Variants in SYNPR observed in about 807,000 individuals in gnomAD.
SYNPR encodes the protein synaptoporin.
Under a neutral mutation model 32.9 loss-of-function variants are expected in SYNPR, and 23 were observed. That is an observed-to-expected ratio of 0.70 (90% confidence interval 0.50 to 0.99). The LOEUF is 0.99. Among genes scored for constraint, SYNPR ranks in the 50% least tolerant of loss-of-function variants. The pLI is 0.00. For synonymous variants in SYNPR, 146 were observed against 135.9 expected (o/e 1.07, Z -0.52); for missense variants, 318 against 349.3 (o/e 0.91, Z 0.71).
At chr3:63,433,101 G>A (rs745316203) in intron 2 of SYNPR, among the ~76,000 whole-genome samples, 6 of 152,304 alleles carry the variant, frequency 3.9e-5, no homozygotes, top group African/African-American at 1.2e-4. Flanking sequence ...AGAGTATTGC[G>A]TGTTATAACA....
At chr3:63,218,045 T>C in the SYNPR span, among the ~76,000 whole-genome samples, 1 of 152,084 alleles carries the variant, frequency 6.6e-6, no homozygotes, top group South Asian at 2.1e-4. Flanking sequence ...GTTTTAAAAT[T>C]CTCAAGGGCA....
intron 4 of SYNPR, among the ~76,000 whole-genome samples, chr3:63,603,022 A>AC (rs1700067133): frequency 6.6e-6 from 1 of 152,084 alleles, no homozygotes; most frequent in African/African-American, 2.4e-5. Flanking sequence ...GATTTATTTC[A>AC]GCAGTGTTTT....
At chr3:63,381,281 C>G (rs1243450870) in intron 2 of SYNPR, among the ~76,000 whole-genome samples, 1 of 152,182 alleles carries the variant, frequency 6.6e-6, no homozygotes, top group East Asian at 1.9e-4. Context: ...AGAGCCAAAT[C>G]ATGAGTGAAC....
chr3:63,328,963 T>C (rs1439668406), intron 2 of SYNPR, among the ~76,000 whole-genome samples: 10 of 152,176 alleles, frequency 6.6e-5, no homozygotes, highest in African/African-American at 1.9e-4. Flanking sequence ...ATTTGAATTA[T>C]TTGAATACAA....
chr3:63,257,174 T>G (rs1173223977), intron 2 of SYNPR, among the ~76,000 whole-genome samples: 1 of 152,136 alleles, frequency 6.6e-6, no homozygotes, highest in African/African-American at 2.4e-5. Flanking sequence ...ACTTCCCCAG[T>G]CTAGCAAGGC....
chr3:63,440,807 C>T (rs1022992024), intron 2 of SYNPR, among the ~76,000 whole-genome samples: 2 of 152,102 alleles, frequency 1.3e-5, no homozygotes, highest in African/African-American at 2.4e-5. Context: ...CAAGACTGAG[C>T]CTCATACCTC....
At chr3:63,474,950 G>C (rs956012711) in intron 2 of SYNPR, among the ~76,000 whole-genome samples, 1 of 152,116 alleles carries the variant, frequency 6.6e-6, no homozygotes, top group Admixed American at 6.5e-5. Context: ...ATTTAACTAT[G>C]ACTTGCAAAT....
intron 2 of SYNPR, among the ~76,000 whole-genome samples, chr3:63,258,604 C>G (rs2086409176): frequency 1.3e-5 from 2 of 151,900 alleles, no homozygotes; most frequent in South Asian, 4.2e-4. Flanking sequence ...CAGTAAATGC[C>G]CACAAGAGAA....
chr3:63,206,670 A>C, the SYNPR span, among the ~76,000 whole-genome samples: 1 of 152,230 alleles, frequency 6.6e-6, no homozygotes, highest in Non-Finnish European at 1.5e-5. Flanking sequence ...AATGTGACAT[A>C]GAGATGTATT....
rs113995268 is a variant in SYNPR at position 63,312,355 on chromosome 3, C to T, written c.84+33613C>T. Among the ~76,000 whole-genome samples, 930 of 152,050 alleles carry T rather than the reference C, an allele frequency of 6.1e-3. 13 individuals are homozygous for T. The highest frequency in any genetic ancestry group is 0.02 in the African/African-American group (832 of 41,508). On this transcript the variant is annotated intron_variant, in intron 2 of 5. Coordinates refer to ENST00000478300, the MANE Select transcript of SYNPR (RefSeq NM_001130003.2). ...TATTAAAACTATAAATTCACAGCCT[C>T]CTACCAGTTGGGACCTAGGTGCTGC...
intron 2 of SYNPR, among the ~76,000 whole-genome samples, chr3:63,428,614 TG>T (rs1699931877): frequency 6.6e-6 from 1 of 152,238 alleles, no homozygotes; most frequent in South Asian, 2.1e-4. Context: ...CTGGGCTTTT[TG>T]GGTGTCAGCA....
At chr3:63,532,782 T>C (rs1203893976) in intron 3 of SYNPR, among the ~76,000 whole-genome samples, 1 of 152,224 alleles carries the variant, frequency 6.6e-6, no homozygotes, top group Non-Finnish European at 1.5e-5. Context: ...TTTACATCCT[T>C]ATGTCCTCAG....
rs1302943193 is a variant in SYNPR at position 63,442,208 on chromosome 3, AGAAG to A, written c.85-38621_85-38618del. On this transcript the variant is annotated intron_variant, in intron 2 of 5. Coordinates refer to ENST00000478300, the MANE Select transcript of SYNPR (RefSeq NM_001130003.2). Reference sequence around the variant, plus strand: ...GTGTGCACGCATGAAAGAGAGAGAGAGAAGGAGACAGAGATACAAAGAGACAGAG... The same window carrying A: ...GTGTGCACGCATGAAAGAGAGAGAGAGAGACAGAGATACAAAGAGACAGAG... 4.7e-5 allele frequency among the ~76,000 whole-genome samples: 5 copies of A among 105,794 alleles called. No individual in the cohort carries two copies. In the East Asian group the frequency reaches 9.1e-4, roughly 19 times the overall value. The allele number at this position is 105,794 out of a possible 152,430, so 69.4% of individuals were successfully genotyped here.
chr3:63,569,170 A>T (rs1445871356), intron 4 of SYNPR, among the ~76,000 whole-genome samples: 2 of 152,118 alleles, frequency 1.3e-5, no homozygotes, highest in African/African-American at 4.8e-5. Context: ...TATTTCACCA[A>T]TCTCTTATTG....
intron 2 of SYNPR, among the ~76,000 whole-genome samples, chr3:63,406,277 A>G (rs2088358447): frequency 6.6e-6 from 1 of 152,098 alleles, no homozygotes; most frequent in Non-Finnish European, 1.5e-5. Context: ...AGTGAGATTT[A>G]TTCTTTTTGT....
At chr3:63,341,360 G>T (rs997517229) in intron 2 of SYNPR, among the ~76,000 whole-genome samples, 2 of 152,140 alleles carry the variant, frequency 1.3e-5, no homozygotes, top group African/African-American at 4.8e-5. Flanking sequence ...AACTCATTTA[G>T]GTAAACACAT....
At chr3:63,247,443 G>T (rs535183018) in intron 1 of SYNPR, among the ~76,000 whole-genome samples, 1 of 151,994 alleles carries the variant, frequency 6.6e-6, no homozygotes, top group African/African-American at 2.4e-5. Context: ...TTCTGGTAAG[G>T]ATAAGGAAGA....
At chr3:63,324,214 A>G (rs17311528) in intron 2 of SYNPR, among the ~76,000 whole-genome samples, 24,591 of 152,184 alleles carry the variant, frequency 0.16, 2,416 homozygotes, top group South Asian at 0.25. Flanking sequence ...TCATTTTAAG[A>G]TGAGTGAACT....
intron 1 of SYNPR, among the ~76,000 whole-genome samples, chr3:63,229,656 T>G (rs1349856064): frequency 6.6e-6 from 1 of 152,200 alleles, no homozygotes; most frequent in Non-Finnish European, 1.5e-5. Context: ...TACTGAAGTT[T>G]ATGAGACTCT....
Sources: allele counts gnomAD v4.1 joint callset (sites outside exome capture counted in the v4.1 genomes callset), GRCh38; gene constraint gnomAD v4.1.1; transcripts MANE v1.5; gene names NCBI Gene and HGNC (gene_info 2026-07-23, HGNC 2026-07-21).